The following HIPK2 variants were observed in gnomAD, a reference collection of about 807,000 sequenced individuals.
HIPK2 encodes the protein homeodomain interacting protein kinase 2.
In HIPK2, 27 loss-of-function variants were observed where a neutral mutation model predicts 113.7. That is an observed-to-expected ratio of 0.24 (90% CI 0.17 to 0.33). HIPK2 has a LOEUF of 0.33. Ranked by LOEUF, HIPK2 falls within the 10% of genes least tolerant of loss-of-function variation. The pLI, the probability that HIPK2 is intolerant of heterozygous loss-of-function variation, is 1.00. For synonymous variants in HIPK2, 631 were observed against 642.2 expected, an observed-to-expected ratio of 0.98 and a Z score of 0.26; for missense variants, 1,257 against 1,588.0, an observed-to-expected ratio of 0.79 and a Z score of 3.54.
intron 2 of HIPK2, among the ~76,000 whole-genome samples, chr7:139,632,763 C>T (rs893867968): frequency 1.3e-5 from 2 of 152,054 alleles, no homozygotes; most frequent in African/African-American, 4.8e-5. Context: ...GATATGAACA[C>T]AGCTTATGTT....
chr7:139,729,233 G>A (rs1412191895), intron 1 of HIPK2, among the ~76,000 whole-genome samples: 1 of 152,040 alleles, frequency 6.6e-6, no homozygotes, highest in African/African-American at 2.4e-5. Flanking sequence ...GCTGAGGTGG[G>A]AGGATCACTT....
chr7:139,609,614 A>C (rs1182549982), intron 9 of HIPK2, among the ~76,000 whole-genome samples: 2 of 152,242 alleles, frequency 1.3e-5, no homozygotes, highest in Middle Eastern at 3.2e-3. Context: ...CCTTCAGTTT[A>C]AATGCTTAAT....
At chr7:139,663,461 G>A (rs1252150287) in intron 2 of HIPK2, among the ~76,000 whole-genome samples, 9 of 152,108 alleles carry the variant, frequency 5.9e-5, no homozygotes, top group South Asian at 2.1e-4. Context: ...CCTGACGTTC[G>A]GATATGACAC....
At chr7:139,663,573 T>C (rs1223333987) in intron 2 of HIPK2, among the ~76,000 whole-genome samples, 6 of 152,290 alleles carry the variant, frequency 3.9e-5, no homozygotes, top group African/African-American at 1.4e-4. Flanking sequence ...TAAAGGTAAC[T>C]GGTGGGAAGG....
At position 139,630,932 on chromosome 7, in the gene HIPK2, C is replaced by T. The variant is rs1350522026; in HGVS notation, c.1347+233G>A. On this transcript the variant is annotated intron_variant, in intron 4 of 14. Transcript: ENST00000406875. This position sits in a 1 kb window ranked among gnomAD's most constrained non-coding sequence, Gnocchi z 4.0. ...AAATCAGACAGTCATCAAGGCTTAT[C>T]GGATTAAATCCTGGGAGTTCAGCAA... Among the ~76,000 whole-genome samples, 3 of 152,210 alleles carry T rather than the reference C, an allele frequency of 2.0e-5. No homozygotes were observed. Among genetic ancestry groups the T allele is most frequent in the Non-Finnish European group, 2.9e-5 (2 of 68,034 alleles).
intron 6 of HIPK2, among the ~76,000 whole-genome samples, chr7:139,621,757 C>CA (rs146240566): frequency 8.3e-4 from 125 of 151,172 alleles, no homozygotes; most frequent in Non-Finnish European, 1.3e-3. Context: ...CTATTCTCTA[C>CA]AAAAAAAATA....
intron 7 of HIPK2, 118 bp downstream of exon 7, chr7:139,620,283 T>G: frequency 7.2e-7 from 1 of 1,380,270 alleles, no homozygotes; most frequent in Non-Finnish European, 9.9e-7. Context: ...AATACTTTGT[T>G]TAGTTGTTGA....
rs78058478 is a variant in HIPK2, at chr7:139,742,838, C to T, written c.20-25823G>A. Among the ~76,000 whole-genome samples, 94 of 152,332 alleles carry T rather than the reference C, an allele frequency of 6.2e-4. 3 individuals are homozygous for T. The East Asian group carries it at 0.017, about 28-fold the overall frequency. ...AAAATAAGTCAGCATCATCCAAATG[C>T]CATTGGGCTGGCTTTGTCTTCCAAA... On this transcript the variant is annotated intron_variant, in intron 1 of 14. Coordinates refer to ENST00000406875, the MANE Select transcript of HIPK2 (RefSeq NM_022740.5).
Position 139,614,472 on chromosome 7 carries a change from T to G in HIPK2, c.1804A>C (p.Thr602Pro), listed in dbSNP as rs199879002. ...ACTTCGGGATTGGCTAAGGAAATAG[T>G]GGCACTGGTAGAGGAGGGAGCCTAA... Reference protein sequence around the residue: ...HNQAPSSTSATISLANPEVSI... With the variant: ...HNQAPSSTSAPISLANPEVSI... The change falls in exon 8 of 15, where the codon ACT (threonine) becomes CCT (proline). Residue 602 changes from threonine (T) to proline (P), a missense_variant. Around this residue, in one of 5 missense-constraint regions of HIPK2, gnomAD observed 862 missense variants for 1,004.3 expected, o/e 0.86. Transcript: ENST00000406875. 548 of 1,447,500 alleles carry G rather than the reference T, an allele frequency of 3.8e-4. 5 individuals carry two copies. The highest frequency in any genetic ancestry group is 9.2e-4 in the Middle Eastern group (5 of 5,406). The allele number at this position is 1,447,500 out of a possible 1,614,324, so 89.7% of individuals were successfully genotyped here. A position where few individuals can be genotyped will look rare whatever the true frequency, so the allele number is the denominator to read the frequency against.
intron 1 of HIPK2, among the ~76,000 whole-genome samples, chr7:139,768,860 T>C (rs1370339429): frequency 1.3e-5 from 2 of 152,170 alleles, no homozygotes; most frequent in Admixed American, 1.3e-4. Context: ...TGCACACTGC[T>C]ACAGGGGAAG....
At position 139,567,419 on chromosome 7, in the gene HIPK2, A is replaced by G. The variant is rs1183357800; in HGVS notation, c.*5508T>C. On this transcript the variant is annotated 3_prime_UTR_variant, in exon 15 of 15. Coordinates refer to ENST00000406875, the MANE Select transcript of HIPK2 (RefSeq NM_022740.5). Reference sequence around the variant, plus strand: ...ATTTTTTTTTTTTAAAAAAAAGGACAGAGAGGAAAGAGAAAGACAAATAGA... The same window carrying G: ...ATTTTTTTTTTTTAAAAAAAAGGACGGAGAGGAAAGAGAAAGACAAATAGA... 6.6e-6 allele frequency: 1 copy of G among 152,048 alleles called. No homozygotes were observed. The highest frequency in any genetic ancestry group is 1.5e-5 in the Non-Finnish European group (1 of 67,992). 9.4% of individuals were successfully genotyped at this position (152,048 alleles called of 1,614,324 possible). A position where few individuals can be genotyped will look rare whatever the true frequency, so the allele number is the denominator to read the frequency against.
chr7:139,638,751 G>A (rs1427535245), intron 2 of HIPK2, among the ~76,000 whole-genome samples: 53 of 148,422 alleles, frequency 3.6e-4, no homozygotes, highest in Admixed American at 3.4e-3. Flanking sequence ...TCCACCTCCC[G>A]GGTTCACGCC....
intron 9 of HIPK2, among the ~76,000 whole-genome samples, chr7:139,610,687 C>T (rs553182718): frequency 1.5e-4 from 23 of 152,232 alleles, no homozygotes; most frequent in Non-Finnish European, 2.6e-4. Flanking sequence ...CAAACTGTTC[C>T]GGAAAACAGA....
chr7:139,581,224 A>G (rs1468226111), intron 13 of HIPK2, among the ~76,000 whole-genome samples: 2 of 152,140 alleles, frequency 1.3e-5, no homozygotes, highest in East Asian at 3.9e-4. Flanking sequence ...CTCTCCGGAA[A>G]AAAAAGCAAC....
intron 12 of HIPK2, among the ~76,000 whole-genome samples, chr7:139,595,051 T>C (rs1048291121): frequency 6.6e-6 from 1 of 152,334 alleles, no homozygotes. Flanking sequence ...TCATCCTCCT[T>C]CTCAGACACG....
At chr7:139,701,873 C>G (rs953916457) in intron 2 of HIPK2, among the ~76,000 whole-genome samples, 3 of 152,182 alleles carry the variant, frequency 2.0e-5, no homozygotes, top group African/African-American at 7.2e-5. Flanking sequence ...ATGCCAAAGG[C>G]ACCGTGCAGA....
At position 139,762,760 on chromosome 7, in the gene HIPK2, C is replaced by T. The variant is rs543155191; in HGVS notation, c.19+14845G>A. On this transcript the variant is annotated intron_variant, in intron 1 of 14. Coordinates refer to ENST00000406875, the MANE Select transcript of HIPK2 (RefSeq NM_022740.5). ...AGTTTTCAGAAGTGTCTATAATGTG[C>T]GTGATGGTAACGGGGTAGAGAACAC... Among the ~76,000 whole-genome samples the T allele has an allele frequency of 3.9e-5, 6 of 152,260 alleles. No individual in the cohort carries two copies. In the South Asian group the frequency reaches 6.2e-4, roughly 16 times the overall value.
At chr7:139,675,223 C>T (rs1214222890) in intron 2 of HIPK2, among the ~76,000 whole-genome samples, 1 of 152,016 alleles carries the variant, frequency 6.6e-6, no homozygotes, top group Non-Finnish European at 1.5e-5. Context: ...GTGACTGTGT[C>T]ATCACCAAAC....
rs1800625662 is a variant in HIPK2, at chr7:139,631,749, C to T, written c.1104-24G>A. 1.9e-6 allele frequency: 3 copies of T among 1,602,492 alleles called. No homozygotes were observed. Among genetic ancestry groups the T allele is most frequent in the Non-Finnish European group, 2.6e-6 (3 of 1,174,838 alleles). ...CCCTGAAAAGGAAGAATGGAAGAAA[C>T]CATTAGCAAGTTGGAAATGCAGGAA... is the stretch of plus-strand genomic sequence containing the variant. On this transcript the variant is annotated intron_variant, in intron 2 of 14. Coordinates refer to ENST00000406875, the MANE Select transcript of HIPK2 (RefSeq NM_022740.5). This position sits in a 1 kb window ranked among gnomAD's most constrained non-coding sequence, Gnocchi z 4.9.
Sources: allele counts gnomAD v4.1 joint callset (sites outside exome capture counted in the v4.1 genomes callset), GRCh38; gene constraint gnomAD v4.1.1; regional missense constraint gnomAD v4.1.1; non-coding constraint Gnocchi (gnomAD v3.1); transcripts MANE v1.5; gene names NCBI Gene and HGNC (gene_info 2026-07-23, HGNC 2026-07-21).